The following MED13L variants were observed in gnomAD, a reference collection of about 807,000 sequenced individuals.
MED13L encodes the protein mediator complex subunit 13L.
Under a neutral mutation model 220.9 loss-of-function variants are expected in MED13L, and 7 were observed. That is an observed-to-expected ratio of 0.03 (90% CI 0.02 to 0.06). MED13L has a LOEUF of 0.06. Among genes scored for constraint, MED13L ranks in the 10% least tolerant of loss-of-function variants. The pLI, the probability that MED13L is intolerant of heterozygous loss-of-function variation, is 1.00. For synonymous variants in MED13L, 1,011 were observed against 1,015.2 expected (o/e 1.00, Z 0.08); for missense variants, 1,965 against 2,760.5 (o/e 0.71, Z 6.46).
intron 4 of MED13L, among the ~76,000 whole-genome samples, chr12:116,059,661 G>A (rs1222952940): frequency 6.6e-6 from 1 of 151,938 alleles, no homozygotes; most frequent in East Asian, 1.9e-4. Flanking sequence ...CAGGTGATCC[G>A]CCTGCCTCAG....
chr12:116,091,647 A>G (rs1282425931), intron 4 of MED13L, among the ~76,000 whole-genome samples: 3 of 152,236 alleles, frequency 2.0e-5, no homozygotes, highest in Non-Finnish European at 2.9e-5. Flanking sequence ...AAAGCTCTAC[A>G]TTCAGTATCT....
In MED13L at chr12:116,172,270, A is replaced by G. The variant is rs1195546838; in HGVS notation, c.311-60758T>C. The stretch of plus-strand genomic sequence containing the variant: ...AGTTCTTTTATAAAATGAAAGAATC[A>G]CATTTCCGGATGTAAAAAATTCAAC... On this transcript the variant is annotated intron_variant, in intron 2 of 30. Coordinates refer to ENST00000281928, the MANE Select transcript of MED13L (RefSeq NM_015335.5). Among the ~76,000 whole-genome samples the G allele has an allele frequency of 2.0e-5, 3 of 152,350 alleles. No individual in the cohort carries two copies. In the East Asian group the frequency reaches 5.8e-4, roughly 29 times the overall value.
intron 2 of MED13L, among the ~76,000 whole-genome samples, chr12:116,121,944 G>A (rs1398671895): frequency 6.6e-6 from 1 of 152,108 alleles, no homozygotes; most frequent in African/African-American, 2.4e-5. Flanking sequence ...AGAAACACAA[G>A]TAAAGGAAGG....
At chr12:116,205,850 T>C (rs1882281319) in intron 2 of MED13L, among the ~76,000 whole-genome samples, 1 of 151,444 alleles carries the variant, frequency 6.6e-6, no homozygotes, top group African/African-American at 2.4e-5. Flanking sequence ...ATCATAACCA[T>C]ACATATTAAC....
At chr12:116,100,583 A>G (rs1872987758) in intron 3 of MED13L, among the ~76,000 whole-genome samples, 1 of 146,234 alleles carries the variant, frequency 6.8e-6, no homozygotes, top group South Asian at 2.2e-4. Context: ...CTGGGTGAAA[A>G]GAGAGACTCC....
chr12:116,206,950 G>T (rs1178739893), intron 2 of MED13L, among the ~76,000 whole-genome samples: 1 of 151,988 alleles, frequency 6.6e-6, no homozygotes, highest in African/African-American at 2.4e-5. Flanking sequence ...TAACCAGTTG[G>T]TGACAAAAAC....
intron 7 of MED13L, 70 bp from the exon 8 acceptor site, chr12:116,015,344 T>C (rs1879663567): frequency 6.7e-7 from 1 of 1,500,344 alleles, no homozygotes; most frequent in African/African-American, 1.4e-5. Context: ...ACTGCTATCT[T>C]ATTAACATAA....
Position 116,012,840 on chromosome 12 carries a change from C to T in MED13L, c.1237G>A (p.Asp413Asn). 6.2e-7 allele frequency: 1 copy of T among 1,613,982 alleles called. No homozygotes were observed. The highest frequency in any genetic ancestry group is 8.5e-7 in the Non-Finnish European group (1 of 1,179,896). Residue 413 changes from aspartate to asparagine, a missense_variant, in exon 9 of 31, where the codon GAT becomes AAT. By Grantham distance (23) the Asp-to-Asn change is conservative. Around this residue, in one of 10 missense-constraint regions of MED13L, gnomAD observed 818 missense variants for 1,041.2 expected, o/e 0.79. Transcript: ENST00000281928. ...ACTCTTTGGGTTGGATCCACAAAAT[C>T]CCAAGTAGCAGGATTGCTAGCAGGC... Reference protein sequence around the residue: ...EEPASNPATWDFVDPTQRVSC... With the variant: ...EEPASNPATWNFVDPTQRVSC...
intron 2 of MED13L, among the ~76,000 whole-genome samples, chr12:116,163,467 T>C (rs1429523301): frequency 6.6e-6 from 1 of 151,234 alleles, no homozygotes; most frequent in African/African-American, 2.4e-5. Context: ...CAGATTCAAG[T>C]GATTCTCCTG....
At chr12:116,223,591 C>T (rs1868655803) in intron 2 of MED13L, among the ~76,000 whole-genome samples, 1 of 152,098 alleles carries the variant, frequency 6.6e-6, no homozygotes, top group African/African-American at 2.4e-5. Context: ...GTAGTCCCAG[C>T]AGCTCAGGAG....
At chr12:116,194,033 T>G (rs753440258) in intron 2 of MED13L, among the ~76,000 whole-genome samples, 26 of 152,174 alleles carry the variant, frequency 1.7e-4, no homozygotes, top group Non-Finnish European at 3.7e-4. Flanking sequence ...CTAAATAAGT[T>G]TACTCAATCA....
chr12:116,067,030 C>T (rs903507402), intron 4 of MED13L, among the ~76,000 whole-genome samples: 41 of 151,706 alleles, frequency 2.7e-4, no homozygotes, highest in Non-Finnish European at 1.6e-4. Flanking sequence ...AATGTTTCTG[C>T]GAGTGGAAAT....
At chr12:116,227,293 C>G (rs1055299113) in intron 2 of MED13L, among the ~76,000 whole-genome samples, 8 of 152,198 alleles carry the variant, frequency 5.3e-5, no homozygotes, top group African/African-American at 1.7e-4. Flanking sequence ...AAGAAGATCT[C>G]TAACGATAGC....
In MED13L at chr12:116,121,234, T is replaced by C. The variant is rs546398003; in HGVS notation, c.311-9722A>G. On this transcript the variant is annotated intron_variant, in intron 2 of 30. Coordinates refer to ENST00000281928, the MANE Select transcript of MED13L (RefSeq NM_015335.5). The stretch of plus-strand genomic sequence containing the variant: ...AGACAGTGTTTATAAAGGAAAAGTT[T>C]TAAATAGTAGTAATTACTGCTTAGT... Among the ~76,000 whole-genome samples the C allele has an allele frequency of 7.9e-5, 12 of 152,300 alleles. No individual in the cohort carries two copies. In the East Asian group the frequency reaches 2.3e-3, roughly 29 times the overall value.
At chr12:116,170,692 C>A (rs1879619911) in intron 2 of MED13L, among the ~76,000 whole-genome samples, 1 of 151,394 alleles carries the variant, frequency 6.6e-6, no homozygotes, top group African/African-American at 2.4e-5. Flanking sequence ...CCTCCACGTC[C>A]CAGGTTCAGG....
intron 3 of MED13L, among the ~76,000 whole-genome samples, chr12:116,109,087 TG>T (rs1244084123): frequency 0.048 from 1,996 of 41,882 alleles, 255 homozygotes; most frequent in African/African-American, 0.12. Context: ...TTTTTTTTTT[TG>T]GAAACAGGGT....
In MED13L at chr12:116,197,741, G is replaced by A. The variant is rs183027028; in HGVS notation, c.310+39727C>T. On this transcript the variant is annotated intron_variant, in intron 2 of 30. Transcript: ENST00000281928. Reference sequence around the variant, plus strand: ...GATTGTGCCATTGCACTCCAGCCTGGGCAATAAGAGTGAAACTCCGTCTCA... The same window carrying A: ...GATTGTGCCATTGCACTCCAGCCTGAGCAATAAGAGTGAAACTCCGTCTCA... 5.9e-4 allele frequency among the ~76,000 whole-genome samples: 90 copies of A among 151,498 alleles called. 1 individual carries two copies. Among genetic ancestry groups the A allele is most frequent in the East Asian group, 5.8e-4 (3 of 5,160 alleles).
At chr12:116,147,396 CCAGA>C (rs764738946) in intron 2 of MED13L, among the ~76,000 whole-genome samples, 65 of 152,144 alleles carry the variant, frequency 4.3e-4, no homozygotes, top group Non-Finnish European at 7.6e-4. Flanking sequence ...ACAGAAATAA[CCAGA>C]CAGTTTTATA....
intron 3 of MED13L, among the ~76,000 whole-genome samples, chr12:116,103,899 G>T (rs949187499): frequency 7.4e-5 from 11 of 149,018 alleles, no homozygotes; most frequent in Non-Finnish European, 1.5e-4. Flanking sequence ...GACTGTCAAT[G>T]TTACATCACG....
Sources: gnomAD v4.1 joint callset for allele counts (sites outside exome capture counted in the v4.1 genomes callset) on GRCh38, gnomAD v4.1.1 for gene constraint, gnomAD v4.1.1 regional missense constraint, MANE v1.5 for transcripts, NCBI Gene and HGNC (gene_info 2026-07-23, HGNC 2026-07-21) for gene names.